ZNF385B: variants seen among roughly 807,000 people sequenced by gnomAD.
ZNF385B encodes zinc finger protein 385B.
A neutral mutation model predicts 39.2 loss-of-function variants in ZNF385B; 23 were observed. That is an observed-to-expected ratio of 0.59 (90% CI 0.42 to 0.83). ZNF385B has a LOEUF of 0.83. Among genes scored for constraint, ZNF385B ranks in the 40% least tolerant of loss-of-function variants. The pLI, the probability that ZNF385B is intolerant of heterozygous loss-of-function variation, is 0.00. For missense variants in ZNF385B, 552 were observed against 598.9 expected, an observed-to-expected ratio of 0.92 and a Z score of 0.82; for synonymous variants, 205 against 222.6, an observed-to-expected ratio of 0.92 and a Z score of 0.70.
chr2:179,638,898 A>G (rs1366495290), intron 3 of ZNF385B, among the ~76,000 whole-genome samples: 1 of 152,126 alleles, frequency 6.6e-6, no homozygotes, highest in African/African-American at 2.4e-5. Flanking sequence ...AAAATGAAAA[A>G]TTACAGAAAT....
chr2:179,676,887 G>A (rs73046805), intron 3 of ZNF385B, among the ~76,000 whole-genome samples: 2,979 of 152,254 alleles, frequency 0.02, 99 homozygotes, highest in African/African-American at 0.068. Context: ...TTGAAAAACT[G>A]TGGAATAGAG....
chr2:179,511,310 A>G (rs535830035), intron 5 of ZNF385B, among the ~76,000 whole-genome samples: 1 of 152,326 alleles, frequency 6.6e-6, no homozygotes, highest in East Asian at 1.9e-4. Flanking sequence ...CAGAGACAGC[A>G]CTAAGGCCTT....
chr2:179,681,084 T>C (rs1182394865), intron 3 of ZNF385B, among the ~76,000 whole-genome samples: 2 of 151,738 alleles, frequency 1.3e-5, no homozygotes, highest in African/African-American at 4.8e-5. Flanking sequence ...ACAACTGTTT[T>C]TTTTTTTTTT....
At chr2:179,664,430 C>T (rs1243448156) in intron 3 of ZNF385B, among the ~76,000 whole-genome samples, 1 of 152,100 alleles carries the variant, frequency 6.6e-6, no homozygotes, top group East Asian at 1.9e-4. Flanking sequence ...ACAAGTACAG[C>T]TCTCTGTAGA....
At chr2:179,806,572 C>T (rs751379067) in intron 1 of ZNF385B, among the ~76,000 whole-genome samples, 2 of 152,082 alleles carry the variant, frequency 1.3e-5, no homozygotes, top group Non-Finnish European at 2.9e-5. Context: ...ATTTTTACAC[C>T]CCACTTATCA....
At chr2:179,511,458 G>C (rs6731124) in intron 5 of ZNF385B, among the ~76,000 whole-genome samples, 122,338 of 152,150 alleles carry the variant, frequency 0.8, 49,763 homozygotes, top group East Asian at 0.92. Flanking sequence ...CAGAAAGACC[G>C]AGGAGGGCAT....
chr2:179,457,062 C>A (rs1021824797), intron 6 of ZNF385B, among the ~76,000 whole-genome samples: 6 of 152,088 alleles, frequency 3.9e-5, no homozygotes, highest in African/African-American at 1.2e-4. Flanking sequence ...GAGATTTCCC[C>A]CAAAGATAAC....
intron 1 of ZNF385B, among the ~76,000 whole-genome samples, chr2:179,818,035 A>G (rs1318137637): frequency 6.6e-6 from 1 of 151,430 alleles, no homozygotes; most frequent in Non-Finnish European, 1.5e-5. Flanking sequence ...TGTGTGGCAG[A>G]CTGAATGTGT....
At chr2:179,773,095 G>C (rs953661318) in intron 1 of ZNF385B, among the ~76,000 whole-genome samples, 7 of 152,094 alleles carry the variant, frequency 4.6e-5, no homozygotes, top group African/African-American at 1.7e-4. Flanking sequence ...GATGCAATCC[G>C]TCAGGAAATT....
intron 5 of ZNF385B, among the ~76,000 whole-genome samples, chr2:179,487,620 A>C (rs1339551354): frequency 6.6e-6 from 1 of 152,224 alleles, no homozygotes; most frequent in Non-Finnish European, 1.5e-5. Flanking sequence ...AAGCCCATCA[A>C]CAATGGCTCT....
chr2:179,801,823 C>T (rs905343915), intron 1 of ZNF385B, among the ~76,000 whole-genome samples: 1 of 152,002 alleles, frequency 6.6e-6, no homozygotes, highest in Non-Finnish European at 1.5e-5. Context: ...TTGCAATATA[C>T]AAAATTACAG....
intron 3 of ZNF385B, among the ~76,000 whole-genome samples, chr2:179,757,925 C>T (rs1032876362): frequency 1.3e-5 from 2 of 152,112 alleles, no homozygotes; most frequent in Non-Finnish European, 2.9e-5. Context: ...GAGGCGATGC[C>T]TCACCCTGCT....
chr2:179,483,496 C>A, intron 5 of ZNF385B, 62 bp from the exon 6 acceptor site: 1 of 1,600,376 alleles, frequency 6.2e-7, no homozygotes, highest in South Asian at 1.1e-5. Context: ...AGTGGATGAT[C>A]ATGCAGGAGA....
intron 5 of ZNF385B, among the ~76,000 whole-genome samples, chr2:179,494,801 A>C (rs1421464119): frequency 6.6e-6 from 1 of 152,170 alleles, no homozygotes; most frequent in Non-Finnish European, 1.5e-5. Flanking sequence ...ATTTGTAGAC[A>C]AGTGCCTACA....
intron 6 of ZNF385B, among the ~76,000 whole-genome samples, chr2:179,449,020 A>G (rs972077756): frequency 6.6e-6 from 1 of 152,138 alleles, no homozygotes; most frequent in African/African-American, 2.4e-5. Context: ...TTTCCTTTTC[A>G]TATCTTGTTT....
intron 5 of ZNF385B, among the ~76,000 whole-genome samples, chr2:179,486,301 C>T (rs1036716685): frequency 1.1e-4 from 17 of 152,126 alleles, no homozygotes; most frequent in East Asian, 5.8e-4. Context: ...ACTTTACAAA[C>T]GGGAAACTGG....
intron 3 of ZNF385B, among the ~76,000 whole-genome samples, chr2:179,719,686 A>G (rs1700558634): frequency 6.6e-6 from 1 of 152,238 alleles, no homozygotes; most frequent in Admixed American, 6.5e-5. Flanking sequence ...CAGCATGTTA[A>G]CATGATTGCA....
At chr2:179,570,868 A>G (rs1450638575) in intron 3 of ZNF385B, among the ~76,000 whole-genome samples, 5 of 152,218 alleles carry the variant, frequency 3.3e-5, no homozygotes, top group Non-Finnish European at 5.9e-5. Flanking sequence ...CAAACGGATT[A>G]AAAATGTCTG....
intron 3 of ZNF385B, among the ~76,000 whole-genome samples, chr2:179,696,326 C>CTTTTATTTTTTTTTTTTTTTT (rs1698745081): frequency 2.5e-5 from 1 of 40,354 alleles, no homozygotes; most frequent in African/African-American, 1.0e-4. Flanking sequence ...CAAACTGGGA[C>CTTTTATTTTTTTTTTTTTTTT]TTTTTTTTTT....
Sources: gnomAD v4.1 joint callset for allele counts (sites outside exome capture counted in the v4.1 genomes callset) on GRCh38, gnomAD v4.1.1 for gene constraint, MANE v1.5 for transcripts, NCBI Gene and HGNC (gene_info 2026-07-23, HGNC 2026-07-21) for gene names.